Variants in NEGR1 observed in about 807,000 individuals in gnomAD.
The protein encoded by NEGR1 is IgLON family member 4.
In NEGR1, 10 loss-of-function variants were observed where a neutral mutation model predicts 40.9. That is an observed-to-expected ratio of 0.24 (90% CI 0.15 to 0.42). The LOEUF is 0.42. Among genes scored for constraint, NEGR1 ranks in the 10% least tolerant of loss-of-function variants. The probability of loss-of-function intolerance (pLI) is 1.00; values close to 1 mark genes in which losing one functional copy is unlikely to be tolerated. For synonymous variants in NEGR1, 185 were observed against 166.8 expected (o/e 1.11, Z -0.84); for missense variants, 352 against 438.9 (o/e 0.80, Z 1.77).
chr1:72,263,747 C>A (rs986855750), intron 1 of NEGR1, among the ~76,000 whole-genome samples: 42 of 151,208 alleles, frequency 2.8e-4, no homozygotes, highest in African/African-American at 7.0e-4. Context: ...CACACACACA[C>A]AAAAAAACTC....
Position 71,643,371 on chromosome 1 carries a change from C to T in NEGR1, c.668-32225G>A, listed in dbSNP as rs376491819. 4.9e-4 allele frequency among the ~76,000 whole-genome samples: 74 copies of T among 151,884 alleles called. 2 individuals are homozygous for T. In the South Asian group the frequency reaches 0.014, roughly 29 times the overall value. ...GATATAGTGATTGTGGGAGTACTTT[C>T]GTCCAGAAAAAAATGATATGCTGGA... On this transcript the variant is annotated intron_variant, in intron 4 of 6. Coordinates refer to ENST00000357731, the MANE Select transcript of NEGR1 (RefSeq NM_173808.3).
chr1:71,688,558 A>C (rs1271403269), intron 4 of NEGR1, among the ~76,000 whole-genome samples: 1 of 149,690 alleles, frequency 6.7e-6, no homozygotes, highest in Non-Finnish European at 1.5e-5. Flanking sequence ...TCCCAGGTTC[A>C]AGTTTCTCCT....
intron 1 of NEGR1, among the ~76,000 whole-genome samples, chr1:72,002,946 T>A (rs1394132222): frequency 6.6e-6 from 1 of 152,118 alleles, no homozygotes; most frequent in Non-Finnish European, 1.5e-5. Flanking sequence ...ATAAACACAT[T>A]TGGGGAGGTT....
chr1:71,806,503 T>TA (rs200707171), intron 2 of NEGR1, among the ~76,000 whole-genome samples: 16,003 of 148,264 alleles, frequency 0.11, 1,224 homozygotes, highest in African/African-American at 0.21. Flanking sequence ...CCCACTATTG[T>TA]AAAAAAAAAA....
chr1:72,250,193 CCTGAGTCT>C (rs1477992122), intron 1 of NEGR1, among the ~76,000 whole-genome samples: 1 of 152,110 alleles, frequency 6.6e-6, no homozygotes, highest in African/African-American at 2.4e-5. Flanking sequence ...ACAAACCCAG[CCTGAGTCT>C]CTAGTCCCAC....
chr1:71,581,017 A>G lies in NEGR1; in HGVS notation c.940+11800T>C, dbSNP rs555905736. 8.5e-5 allele frequency among the ~76,000 whole-genome samples: 13 copies of G among 152,352 alleles called. No homozygotes were observed. The South Asian group carries it at 1.5e-3, about 17-fold the overall frequency. ...TCTATAAGTTTAGAATTAATAAATG[A>G]TACTAAACACAAATGCAATAGCTAT... On this transcript the variant is annotated intron_variant, in intron 6 of 6. Transcript: ENST00000357731.
At chr1:72,163,942 T>A (rs1250713964) in intron 1 of NEGR1, among the ~76,000 whole-genome samples, 1 of 151,956 alleles carries the variant, frequency 6.6e-6, no homozygotes, top group African/African-American at 2.4e-5. Context: ...AATTAAGAGA[T>A]ACCATGAAAC....
chr1:71,570,430 A>G (rs1648774194), intron 6 of NEGR1, among the ~76,000 whole-genome samples: 1 of 152,220 alleles, frequency 6.6e-6, no homozygotes, highest in Admixed American at 6.5e-5. Context: ...TGATTTTAAA[A>G]GAAGTAAAAT....
chr1:72,034,153 T>A (rs192792086), intron 1 of NEGR1, among the ~76,000 whole-genome samples: 1 of 152,304 alleles, frequency 6.6e-6, no homozygotes, highest in African/African-American at 2.4e-5. Flanking sequence ...TTTTTTTTGG[T>A]TGCTTTTTAT....
intron 4 of NEGR1, among the ~76,000 whole-genome samples, chr1:71,618,471 C>T (rs1242419595): frequency 6.6e-6 from 1 of 152,068 alleles, no homozygotes; most frequent in Non-Finnish European, 1.5e-5. Context: ...CTTTGTGAAG[C>T]AGGGTTTTCT....
intron 2 of NEGR1, among the ~76,000 whole-genome samples, chr1:71,928,223 T>C (rs201431425): frequency 5.1e-5 from 1 of 19,640 alleles, no homozygotes; most frequent in Non-Finnish European, 1.2e-4. Context: ...CACACATATG[T>C]ATATACGTAT....
intron 2 of NEGR1, among the ~76,000 whole-genome samples, chr1:71,840,276 G>T (rs1172051820): frequency 1.3e-5 from 2 of 152,024 alleles, no homozygotes; most frequent in African/African-American, 4.8e-5. Flanking sequence ...GAATTGTGCT[G>T]CCATAAACAC....
chr1:71,647,479 TG>T (rs1651570665), intron 4 of NEGR1, among the ~76,000 whole-genome samples: 1 of 151,918 alleles, frequency 6.6e-6, no homozygotes, highest in Non-Finnish European at 1.5e-5. Context: ...AATAGTCATT[TG>T]ACCACAAGAA....
intron 4 of NEGR1, among the ~76,000 whole-genome samples, chr1:71,681,222 T>A (rs1652826294): frequency 6.6e-6 from 1 of 152,130 alleles, no homozygotes; most frequent in South Asian, 2.1e-4. Flanking sequence ...TTTAAGGGGG[T>A]AAAAAAATAC....
chr1:71,513,393 A>C (rs1319688167), intron 6 of NEGR1, among the ~76,000 whole-genome samples: 1 of 152,154 alleles, frequency 6.6e-6, no homozygotes, highest in Non-Finnish European at 1.5e-5. Context: ...TGGGACCAGA[A>C]ACCTATTTTT....
At chr1:71,810,659 AGGGTG>A (rs1657968699) in intron 2 of NEGR1, among the ~76,000 whole-genome samples, 1 of 152,076 alleles carries the variant, frequency 6.6e-6, no homozygotes, top group Non-Finnish European at 1.5e-5. Context: ...CTGGATCATG[AGGGTG>A]GATTTCCCCC....
intron 1 of NEGR1, among the ~76,000 whole-genome samples, chr1:72,013,990 G>GAAA (rs1557483824): frequency 5.0e-5 from 6 of 119,216 alleles, no homozygotes; most frequent in African/African-American, 1.7e-4. Flanking sequence ...AAAAAAAAAG[G>GAAA]AGGTTGGGGG....
chr1:71,885,129 T>A (rs1369027658), intron 2 of NEGR1, among the ~76,000 whole-genome samples: 1 of 152,188 alleles, frequency 6.6e-6, no homozygotes, highest in African/African-American at 2.4e-5. Context: ...CACAGAATAA[T>A]AAGCACAGTA....
chr1:71,577,902 C>A (rs376233043), intron 6 of NEGR1, among the ~76,000 whole-genome samples: 2 of 152,184 alleles, frequency 1.3e-5, no homozygotes, highest in African/African-American at 4.8e-5. Flanking sequence ...AGAATACTTG[C>A]TTGGAGCTAT....
Sources: allele counts gnomAD v4.1 joint callset (sites outside exome capture counted in the v4.1 genomes callset), GRCh38; gene constraint gnomAD v4.1.1; transcripts MANE v1.5; gene names NCBI Gene and HGNC (gene_info 2026-07-23, HGNC 2026-07-21).